The following MED23 variants were observed in gnomAD, a reference collection of about 807,000 sequenced individuals.
MED23 encodes the protein mediator of RNA polymerase II transcription subunit 23.
Under a neutral mutation model 163.9 loss-of-function variants are expected in MED23, and 105 were observed. The ratio of observed to expected loss-of-function variants is 0.64; its 90% CI spans 0.55 to 0.75. The LOEUF (loss-of-function observed/expected upper bound fraction) is 0.75, where lower values mean the gene tolerates loss of function less well. Ranked by LOEUF, MED23 falls within the 30% of genes least tolerant of loss-of-function variation. MED23 has a pLI of 0.00. For synonymous variants in MED23, 561 were observed against 565.6 expected (o/e 0.99, Z 0.12); for missense variants, 1,054 against 1,649.0 (o/e 0.64, Z 6.25).
downstream of MED23, chr6:131,582,567 T>G: frequency 7.3e-7 from 1 of 1,368,976 alleles, no homozygotes; most frequent in Non-Finnish European, 1.0e-6. Flanking sequence ...CCTTTGAATG[T>G]AGGATTTGTT....
intron 30 of MED23, chr6:131,576,692 A>ACCTTCTTGAGAAAGGCTG: frequency 6.2e-7 from 1 of 1,614,144 alleles, no homozygotes; most frequent in Non-Finnish European, 8.5e-7. Flanking sequence ...AAGGCCCTAC[A>ACCTTCTTGAGAAAGGCTG]GTATTGAGAA....
intron 26 of MED23, among the ~76,000 whole-genome samples, chr6:131,590,711 CT>C (rs1002594017): frequency 2.7e-5 from 4 of 149,844 alleles, no homozygotes; most frequent in Non-Finnish European, 5.9e-5. Context: ...TCACTGCAAC[CT>C]CCGCCTCCTG....
In MED23 at chr6:131,587,608, C is replaced by A; in HGVS notation, c.*71G>T. 1 of 1,609,410 alleles carries A rather than the reference C, an allele frequency of 6.2e-7. No homozygotes were observed. The highest frequency in any genetic ancestry group is 8.5e-7 in the Non-Finnish European group (1 of 1,177,772). The stretch of plus-strand genomic sequence containing the variant: ...TATATCACTACAGTGTGATCGCATT[C>A]AGATTTAAAAGGTTTGAGTCCACTC... On this transcript the variant is annotated 3_prime_UTR_variant, in exon 29 of 29. Coordinates refer to ENST00000368068, the MANE Select transcript of MED23 (RefSeq NM_004830.4).
chr6:131,600,792 G>A (rs992642884), intron 17 of MED23, among the ~76,000 whole-genome samples: 1 of 152,138 alleles, frequency 6.6e-6, no homozygotes, highest in Non-Finnish European at 1.5e-5. Context: ...CAAAAGCAAT[G>A]GTGGTAAAAC....
chr6:131,605,127 T>TC (rs1222180341), intron 14 of MED23, 113 bp downstream of exon 14: 1 of 1,129,752 alleles, frequency 8.9e-7, no homozygotes, highest in Non-Finnish European at 1.3e-6. Flanking sequence ...AACTTTTTTT[T>TC]CTCAAATGTA....
At chr6:131,612,873 T>C (rs1776381655) in intron 10 of MED23, among the ~76,000 whole-genome samples, 1 of 152,120 alleles carries the variant, frequency 6.6e-6, no homozygotes, top group Admixed American at 6.5e-5. Flanking sequence ...TCATATCCTA[T>C]ATTGAGTGGT....
At chr6:131,578,229 C>T (rs1203498056) in intron 30 of MED23, among the ~76,000 whole-genome samples, 1 of 148,292 alleles carries the variant, frequency 6.7e-6, no homozygotes, top group African/African-American at 2.5e-5. Context: ...CAGTAGAGAA[C>T]AGAATGCTTG....
Position 131,579,225 on chromosome 6 carries a change from G to A in MED23, c.4096-4930C>T, listed in dbSNP as rs774273532. ...GGAAAAGCAAGCGAGCAGCTGGCTG[G>A]CAAGGTGGCAGAAGTCAAGAAGAAC... On this transcript the variant is annotated intron_variant, in intron 30 of 30. Coordinates refer to the MED23 transcript ENST00000354577. 2.8e-5 allele frequency: 45 copies of A among 1,613,998 alleles called. No homozygotes were observed. The highest frequency in any genetic ancestry group is 3.6e-5 in the Non-Finnish European group (43 of 1,180,030).
intron 10 of MED23, among the ~76,000 whole-genome samples, chr6:131,610,985 G>A (rs1357361673): frequency 2.0e-5 from 3 of 152,024 alleles, no homozygotes; most frequent in Non-Finnish European, 4.4e-5. Flanking sequence ...CCTTTCTAGA[G>A]GCAAAAAGAT....
In MED23 at chr6:131,618,388, A is replaced by C; in HGVS notation, c.780+19T>G. The C allele has an allele frequency of 6.5e-7, 1 of 1,544,092 alleles. No homozygotes were observed. The highest frequency in any genetic ancestry group is 9.0e-7 in the Non-Finnish European group (1 of 1,116,774). On this transcript the variant is annotated intron_variant, in intron 9 of 28. Coordinates refer to ENST00000368068, the MANE Select transcript of MED23 (RefSeq NM_004830.4). Reference sequence around the variant, plus strand: ...GACTGTCAGATGGACTAAAAGTGCCATTATATTTAGCAACATACCTTATCA... The same window carrying C: ...GACTGTCAGATGGACTAAAAGTGCCCTTATATTTAGCAACATACCTTATCA...
downstream of MED23, chr6:131,583,621 T>G: frequency 6.6e-7 from 1 of 1,514,104 alleles, no homozygotes; most frequent in Non-Finnish European, 9.1e-7. Context: ...ATGCAATAAC[T>G]AAAGTGTTTT....
At chr6:131,581,182 C>A (rs921307877) in intron 30 of MED23, 1 of 1,609,986 alleles carries the variant, frequency 6.2e-7, no homozygotes, top group Non-Finnish European at 8.5e-7. Flanking sequence ...AGTGACACTG[C>A]AAACCTGATG....
In MED23 at chr6:131,586,776, A is replaced by G. The variant is rs1453443065; in HGVS notation, c.*903T>C. ...TTTATTCATTCAGCAGACTTTACTCATTAGTTTTCAAGTCTTTCGCAATGC... is the reference window on the plus strand; with the variant it reads ...TTTATTCATTCAGCAGACTTTACTCGTTAGTTTTCAAGTCTTTCGCAATGC... On this transcript the variant is annotated 3_prime_UTR_variant, in exon 29 of 29. Transcript: ENST00000368068. 4 of 1,482,252 alleles carry G rather than the reference A, an allele frequency of 2.7e-6. No individual in the cohort carries two copies. Among genetic ancestry groups the G allele is most frequent in the East Asian group, 2.8e-5 (1 of 35,982 alleles). 91.8% of individuals were successfully genotyped at this position (1,482,252 alleles called of 1,614,324 possible).
At chr6:131,602,975 T>C in intron 16 of MED23, 55 bp downstream of exon 16, 1 of 1,550,748 alleles carries the variant, frequency 6.4e-7, no homozygotes, top group Non-Finnish European at 8.9e-7. Context: ...AAGAACCTCA[T>C]CTCCAAGAAA....
intron 30 of MED23, among the ~76,000 whole-genome samples, chr6:131,576,346 CAT>C (rs1326168081): frequency 6.6e-6 from 1 of 152,184 alleles, no homozygotes; most frequent in Non-Finnish European, 1.5e-5. Flanking sequence ...GTGTTGATAA[CAT>C]GGTTTGACGG....
Position 131,587,664 on chromosome 6 carries a change from C to T in MED23, c.*15G>A, listed in dbSNP as rs747215595. ...GACGGATATATTTCTACTTTCTCCA[C>T]AGTACAGTCTGGCTTCACTGAGTTA... is the stretch of plus-strand genomic sequence containing the variant. On this transcript the variant is annotated 3_prime_UTR_variant, in exon 29 of 29. Coordinates refer to ENST00000368068, the MANE Select transcript of MED23 (RefSeq NM_004830.4). 27 of 1,614,030 alleles carry T rather than the reference C, an allele frequency of 1.7e-5. No homozygotes were observed. Among genetic ancestry groups the T allele is most frequent in the Non-Finnish European group, 2.2e-5 (26 of 1,179,956 alleles).
intron 18 of MED23, 36 bp downstream of exon 18, chr6:131,600,002 C>T: frequency 6.2e-7 from 1 of 1,611,932 alleles, no homozygotes; most frequent in Non-Finnish European, 8.5e-7. Flanking sequence ...AGAAGGATTT[C>T]ATGTGCATTC....
rs549723537 is a variant in MED23 at position 131,619,848 on chromosome 6, C to T, written c.646G>A (p.Ala216Thr). 3.1e-6 allele frequency: 5 copies of T among 1,610,936 alleles called. No homozygotes were observed. In the South Asian group the frequency reaches 4.4e-5, roughly 14 times the overall value. Residue 216 changes from alanine to threonine, a missense_variant, in exon 8 of 29, where the codon GCA becomes ACA. Around this residue, in one of 11 missense-constraint regions of MED23, gnomAD observed 54 missense variants for 79.7 expected, o/e 0.68. Transcript: ENST00000368068. ...SDFVDTFRPT[A>T]RINSICGRCS... ...CTACCACAAATGGAGTTTATCCTTG[C>T]TGTGGGCCTGAAGGTATCCACAAAG...
chr6:131,613,310 C>T (rs139207100), intron 10 of MED23, among the ~76,000 whole-genome samples: 5 of 152,260 alleles, frequency 3.3e-5, no homozygotes, highest in East Asian at 1.9e-4. Flanking sequence ...TGAAGTCTAA[C>T]GCTCCACCTT....
Sources: allele counts gnomAD v4.1 joint callset (sites outside exome capture counted in the v4.1 genomes callset), GRCh38; gene constraint gnomAD v4.1.1; regional missense constraint gnomAD v4.1.1; transcripts MANE v1.5; gene names NCBI Gene and HGNC (gene_info 2026-07-23, HGNC 2026-07-21).